The following RNF38 variants were observed in gnomAD, a reference collection of about 807,000 sequenced individuals.
RNF38 encodes the protein ring finger protein 38.
A neutral mutation model predicts 67.2 loss-of-function variants in RNF38; 15 were observed. The ratio of observed to expected loss-of-function variants is 0.22; its 90% confidence interval spans 0.15 to 0.34. The LOEUF is 0.34. Among genes scored for constraint, RNF38 ranks in the 10% least tolerant of loss-of-function variants. RNF38 has a pLI of 1.00. For missense variants in RNF38, 524 were observed against 639.9 expected, an observed-to-expected ratio of 0.82 and a Z score of 1.95; for synonymous variants, 220 against 218.8, an observed-to-expected ratio of 1.01 and a Z score of -0.05.
Position 36,478,959 on chromosome 9 carries a change from T to A in RNF38, n.241+8349A>T, listed in dbSNP as rs576217539. 2.6e-5 allele frequency among the ~76,000 whole-genome samples: 4 copies of A among 152,300 alleles called. No homozygotes were observed. In the East Asian group the frequency reaches 7.7e-4, roughly 29 times the overall value. ...ACCCAGATTTCTATATATTTTCCTC[T>A]AAAGTACTTTTAAGTTACAATTTCA... On this transcript the variant is annotated intron_variant and non_coding_transcript_variant, in intron 1 of 3. Transcript: ENST00000488058.
At chr9:36,408,312 A>G (rs1838233928) in intron 2 of RNF38, among the ~76,000 whole-genome samples, 1 of 143,172 alleles carries the variant, frequency 7.0e-6, no homozygotes, top group African/African-American at 2.6e-5. Context: ...CCATGTTGCC[A>G]AGGCTGGCAA....
chr9:36,390,363 G>C, intron 2 of RNF38, 104 bp downstream of exon 2: 1 of 973,930 alleles, frequency 1.0e-6, no homozygotes, highest in South Asian at 2.2e-5. Context: ...ACATACAACA[G>C]AAAACAAGGA....
At chr9:36,482,854 T>C (rs945348740) in intron 1 of RNF38, among the ~76,000 whole-genome samples, 2 of 152,180 alleles carry the variant, frequency 1.3e-5, no homozygotes, top group African/African-American at 4.8e-5. Context: ...ACAATGCATA[T>C]GGATGAAACT....
intron 6 of RNF38, among the ~76,000 whole-genome samples, chr9:36,355,775 GT>G (rs1166112195): frequency 1.3e-5 from 2 of 152,034 alleles, no homozygotes; most frequent in Non-Finnish European, 2.9e-5. Flanking sequence ...TAAGGTAAAC[GT>G]TTATACTAAT....
At chr9:36,355,842 C>T (rs1358710770) in intron 6 of RNF38, among the ~76,000 whole-genome samples, 4 of 152,040 alleles carry the variant, frequency 2.6e-5, no homozygotes, top group Non-Finnish European at 2.9e-5. Flanking sequence ...TAAGTTATTA[C>T]GTTTGTTTGT....
At chr9:36,380,834 A>G (rs1053744849) in intron 2 of RNF38, among the ~76,000 whole-genome samples, 11 of 152,148 alleles carry the variant, frequency 7.2e-5, no homozygotes, top group African/African-American at 2.4e-4. Context: ...AATGCAGGGG[A>G]AAAAAGGGAA....
intron 1 of RNF38, among the ~76,000 whole-genome samples, chr9:36,467,795 T>C (rs1385298912): frequency 6.6e-6 from 1 of 152,118 alleles, no homozygotes; most frequent in Non-Finnish European, 1.5e-5. Context: ...GGAATAAGAA[T>C]GGAGGGTCCA....
At chr9:36,370,732 CCT>C (rs1359080997) in intron 3 of RNF38, among the ~76,000 whole-genome samples, 1 of 151,786 alleles carries the variant, frequency 6.6e-6, no homozygotes, top group Non-Finnish European at 1.5e-5. Context: ...ATGGTGAAAC[CCT>C]GTTTCTACCC....
intron 1 of RNF38, among the ~76,000 whole-genome samples, chr9:36,430,822 C>T (rs9298968): frequency 0.042 from 6,302 of 151,192 alleles, 234 homozygotes; most frequent in East Asian, 0.12. Flanking sequence ...CGAATCCAAA[C>T]AAAAATCTGG....
rs1391999759 is a variant in RNF38, at chr9:36,423,765, C to T, written n.312+848G>A. Reference sequence around the variant, plus strand: ...GAAATCGAGACCATCCTGGCTAACACGGTGAAACCCCGTCTCTACTAAAAA... The same window carrying T: ...GAAATCGAGACCATCCTGGCTAACATGGTGAAACCCCGTCTCTACTAAAAA... On this transcript the variant is annotated intron_variant and non_coding_transcript_variant, in intron 2 of 3. Coordinates refer to the RNF38 transcript ENST00000488058. 3.1e-4 allele frequency among the ~76,000 whole-genome samples: 12 copies of T among 38,862 alleles called. 2 individuals are homozygous for T. The highest frequency in any genetic ancestry group is 6.0e-4 in the African/African-American group (7 of 11,642). The allele number at this position is 38,862 out of a possible 152,430, so 25.5% of individuals were successfully genotyped here. A position where few individuals can be genotyped will look rare whatever the true frequency, so the allele number is the denominator to read the frequency against.
chr9:36,371,267 A>G (rs556197903), intron 3 of RNF38, among the ~76,000 whole-genome samples: 12 of 152,326 alleles, frequency 7.9e-5, no homozygotes, highest in Non-Finnish European at 1.5e-4. Flanking sequence ...AACAAGGGAC[A>G]TTCCTTTATG....
chr9:36,351,644 A>G (rs1833694153), intron 8 of RNF38, among the ~76,000 whole-genome samples: 1 of 152,178 alleles, frequency 6.6e-6, no homozygotes, highest in African/African-American at 2.4e-5. Context: ...AAACGGGGAG[A>G]GAGAGGAAGG....
chr9:36,430,564 AAAG>A (rs1838906535), intron 1 of RNF38, among the ~76,000 whole-genome samples: 1 of 152,116 alleles, frequency 6.6e-6, no homozygotes, highest in South Asian at 2.1e-4. Context: ...GAAGGAGATA[AAAG>A]AAGAGAAAGA....
At chr9:36,370,660 C>A (rs1198790827) in intron 3 of RNF38, among the ~76,000 whole-genome samples, 1 of 152,114 alleles carries the variant, frequency 6.6e-6, no homozygotes, top group Non-Finnish European at 1.5e-5. Flanking sequence ...AATCCTAGCA[C>A]TTTGGGAAGC....
intron 9 of RNF38, among the ~76,000 whole-genome samples, chr9:36,348,711 G>C (rs1453013004): frequency 6.6e-6 from 1 of 152,188 alleles, no homozygotes; most frequent in Non-Finnish European, 1.5e-5. Context: ...GCTAGCAAAG[G>C]CTGGTTCATC....
At chr9:36,451,572 T>A (rs1839448570) in intron 1 of RNF38, among the ~76,000 whole-genome samples, 1 of 129,124 alleles carries the variant, frequency 7.7e-6, no homozygotes, top group African/African-American at 2.9e-5. Context: ...GCAATCTCGG[T>A]TCACAGCAAC....
Position 36,339,537 on chromosome 9 carries a change from T to G in RNF38, c.*215A>C. 2.1e-6 allele frequency: 1 copy of G among 485,830 alleles called. No individual in the cohort carries two copies. The highest frequency in any genetic ancestry group is 3.0e-5 in the East Asian group (1 of 33,012). The allele number at this position is 485,830 out of a possible 1,614,324, so 30.1% of individuals were successfully genotyped here. Reference sequence around the variant, plus strand: ...CAAAATTAAGCTAAAGAAAAAGTCTTTGGAGTTCCAATCACACGGTTAGTA... The same window carrying G: ...CAAAATTAAGCTAAAGAAAAAGTCTGTGGAGTTCCAATCACACGGTTAGTA... On this transcript the variant is annotated 3_prime_UTR_variant, in exon 12 of 12. Transcript: ENST00000259605.
At chr9:36,345,599 CTAAAAAGATAGACTT>C (rs986234449) in intron 9 of RNF38, among the ~76,000 whole-genome samples, 3 of 152,168 alleles carry the variant, frequency 2.0e-5, no homozygotes, top group Non-Finnish European at 4.4e-5. Context: ...AATCGCTGCT[CTAAAAAGATAGACTT>C]TTTAGAATAT....
chr9:36,468,898 G>A (rs1839928886), intron 1 of RNF38, among the ~76,000 whole-genome samples: 1 of 151,950 alleles, frequency 6.6e-6, no homozygotes, highest in South Asian at 2.1e-4. Context: ...TGGATCACAA[G>A]GTCAGGAGTT....
Sources: allele counts gnomAD v4.1 joint callset (sites outside exome capture counted in the v4.1 genomes callset), GRCh38; gene constraint gnomAD v4.1.1; transcripts MANE v1.5; gene names NCBI Gene and HGNC (gene_info 2026-07-23, HGNC 2026-07-21).